Variants in CNNM1 observed in about 807,000 individuals in gnomAD.
The protein encoded by CNNM1 is cyclin and CBS domain divalent metal cation transport mediator 1.
In CNNM1, 44 loss-of-function variants were observed where a neutral mutation model predicts 78.8. That is an observed-to-expected ratio of 0.56 (90% CI 0.44 to 0.72). The LOEUF is 0.72. Ranked by LOEUF, CNNM1 falls within the 30% of genes least tolerant of loss-of-function variation. CNNM1 has a pLI of 0.00. For synonymous variants in CNNM1, 584 were observed against 581.5 expected (o/e 1.00, Z -0.06); for missense variants, 1,101 against 1,292.2 (o/e 0.85, Z 2.27).
At chr10:99,356,564 G>A (rs2031188567) in intron 1 of CNNM1, among the ~76,000 whole-genome samples, 1 of 98,186 alleles carries the variant, frequency 1.0e-5, no homozygotes, top group Non-Finnish European at 2.1e-5. Context: ...CAGACAGACA[G>A]AAAGAAAGAA....
At chr10:99,349,630 C>T (rs1564943600) in intron 1 of CNNM1, among the ~76,000 whole-genome samples, 2 of 152,196 alleles carry the variant, frequency 1.3e-5, no homozygotes, top group Non-Finnish European at 2.9e-5. Context: ...CCAAGGACCA[C>T]ACTTTGAGTA....
intron 1 of CNNM1, among the ~76,000 whole-genome samples, chr10:99,343,725 T>C (rs1278490691): frequency 6.6e-6 from 1 of 151,982 alleles, no homozygotes; most frequent in Non-Finnish European, 1.5e-5. Flanking sequence ...GTTTTGTTTT[T>C]TTGTTTTGAG....
At chr10:99,361,099 C>A in intron 3 of CNNM1, 124 bp downstream of exon 3, 1 of 1,103,944 alleles carries the variant, frequency 9.1e-7, no homozygotes, top group Non-Finnish European at 1.2e-6. Flanking sequence ...AAGCACTGTT[C>A]TAGGAAGGAG....
At chr10:99,371,415 T>C (rs1420829913) in intron 6 of CNNM1, among the ~76,000 whole-genome samples, 3 of 152,204 alleles carry the variant, frequency 2.0e-5, no homozygotes, top group Non-Finnish European at 4.4e-5. Flanking sequence ...TCCTTCTTTC[T>C]TCTCCTGGTG....
chr10:99,351,026 A>C (rs2030926656), intron 1 of CNNM1, among the ~76,000 whole-genome samples: 1 of 152,182 alleles, frequency 6.6e-6, no homozygotes, highest in Non-Finnish European at 1.5e-5. Flanking sequence ...CCATTTGAGA[A>C]CCACTGCTTT....
chr10:99,363,928 A>G (rs773293539), intron 4 of CNNM1, among the ~76,000 whole-genome samples: 1 of 152,012 alleles, frequency 6.6e-6, no homozygotes, highest in Non-Finnish European at 1.5e-5. Context: ...TATGTTTAGT[A>G]GAGATGGGGT....
intron 2 of CNNM1, among the ~76,000 whole-genome samples, chr10:99,359,958 G>A (rs540724747): frequency 6.5e-4 from 98 of 151,368 alleles, no homozygotes; most frequent in African/African-American, 2.3e-3. Context: ...GCGGGGGCCG[G>A]GGGGGAAGTA....
chr10:99,361,683 T>A (rs937281787), intron 3 of CNNM1, among the ~76,000 whole-genome samples: 2 of 152,244 alleles, frequency 1.3e-5, no homozygotes, highest in African/African-American at 4.8e-5. Flanking sequence ...CTATGTTATA[T>A]AAGTAATATA....
intron 1 of CNNM1, among the ~76,000 whole-genome samples, chr10:99,342,958 T>TTTTC (rs1554937753): frequency 1.1e-4 from 16 of 152,210 alleles, no homozygotes; most frequent in African/African-American, 2.2e-4. Flanking sequence ...CCATCTTTTT[T>TTTTC]TTTCTTTCTT....
chr10:99,355,780 T>C (rs1179503216), intron 1 of CNNM1, among the ~76,000 whole-genome samples: 1 of 152,224 alleles, frequency 6.6e-6, no homozygotes, highest in African/African-American at 2.4e-5. Flanking sequence ...GAATAGCACT[T>C]ACCTCAGTGG....
At chr10:99,346,392 C>T (rs944898310) in intron 1 of CNNM1, among the ~76,000 whole-genome samples, 10 of 152,208 alleles carry the variant, frequency 6.6e-5, no homozygotes, top group African/African-American at 2.4e-4. Flanking sequence ...GTTCTGCCTA[C>T]ATCATATCCA....
intron 1 of CNNM1, among the ~76,000 whole-genome samples, chr10:99,354,939 C>T (rs886436220): frequency 6.6e-6 from 1 of 152,040 alleles, no homozygotes; most frequent in Non-Finnish European, 1.5e-5. Context: ...CAGATCAGTA[C>T]AGAAGGAGGC....
chr10:99,375,078 C>T (rs1318736985), intron 6 of CNNM1, among the ~76,000 whole-genome samples: 1 of 152,010 alleles, frequency 6.6e-6, no homozygotes, highest in African/African-American at 2.4e-5. Flanking sequence ...AAATGGCATT[C>T]ATCGAGGTGG....
At chr10:99,341,342 A>G (rs950090532) in intron 1 of CNNM1, among the ~76,000 whole-genome samples, 1 of 152,016 alleles carries the variant, frequency 6.6e-6, no homozygotes, top group African/African-American at 2.4e-5. Context: ...GACTCTCAAC[A>G]TCGTCTGGGC....
intron 1 of CNNM1, among the ~76,000 whole-genome samples, chr10:99,334,896 C>T (rs1221261232): frequency 6.6e-6 from 1 of 152,200 alleles, no homozygotes; most frequent in African/African-American, 2.4e-5. Context: ...ATGTCATTAA[C>T]TACATTTTAC....
chr10:99,365,590 C>G (rs2031588966), intron 6 of CNNM1, among the ~76,000 whole-genome samples: 1 of 152,174 alleles, frequency 6.6e-6, no homozygotes, highest in Non-Finnish European at 1.5e-5. Context: ...TTGCTCTGCC[C>G]TTTCTGTGCT....
At chr10:99,334,736 A>G (rs573669820) in intron 1 of CNNM1, among the ~76,000 whole-genome samples, 1 of 152,330 alleles carries the variant, frequency 6.6e-6, no homozygotes, top group South Asian at 2.1e-4. Flanking sequence ...TTGCTTCTCA[A>G]GTAACGTAAC....
intron 1 of CNNM1, among the ~76,000 whole-genome samples, chr10:99,350,192 G>T (rs2030885021): frequency 6.6e-6 from 1 of 152,154 alleles, no homozygotes; most frequent in Non-Finnish European, 1.5e-5. Flanking sequence ...AGAAAGAGGA[G>T]ACACTCAATG....
chr10:99,387,888 C>T lies in CNNM1; in HGVS notation c.2409C>T (p.Asp803=), dbSNP rs778300900. 1.9e-6 allele frequency: 3 copies of T among 1,613,636 alleles called. No individual in the cohort carries two copies. Among genetic ancestry groups the T allele is most frequent in the Non-Finnish European group, 2.5e-6 (3 of 1,179,802 alleles). ...TGGACAGCTCACCTCAGTCCCCTGA[C>T]ATGGAGGCCTTCACAGACGGGGACT... ...CHMDSSPQSP[D]MEAFTDGDST... Residue 803 remains aspartate, a synonymous_variant, in exon 8 of 11, where the codon GAC becomes GAT. Transcript: ENST00000356713.
Sources: allele counts gnomAD v4.1 joint callset (sites outside exome capture counted in the v4.1 genomes callset), GRCh38; gene constraint gnomAD v4.1.1; transcripts MANE v1.5; gene names NCBI Gene and HGNC (gene_info 2026-07-23, HGNC 2026-07-21).